Variants in STX16 observed in about 807,000 individuals in gnomAD.
The protein encoded by STX16 is syntaxin 16, also known as syntaxin-16.
Under a neutral mutation model 42.7 loss-of-function variants are expected in STX16, and 28 were observed. That is an observed-to-expected ratio of 0.66 (90% CI 0.49 to 0.90). The LOEUF (loss-of-function observed/expected upper bound fraction) is 0.90. Ranked by LOEUF, STX16 falls within the 40% of genes least tolerant of loss-of-function variation. STX16 has a pLI of 0.00. For synonymous variants in STX16, 156 were observed against 155.2 expected (o/e 1.00, Z -0.04); for missense variants, 361 against 420.9 (o/e 0.86, Z 1.24).
At chr20:58,658,681 A>C (rs2083631844) in intron 1 of STX16, among the ~76,000 whole-genome samples, 2 of 152,122 alleles carry the variant, frequency 1.3e-5, no homozygotes, top group South Asian at 4.1e-4. Flanking sequence ...TAATTATTTC[A>C]GTGATCAATA....
At position 58,652,124 on chromosome 20, in the gene STX16, C is replaced by G. The variant is rs573000558; in HGVS notation, c.118C>G (p.Arg40Gly). 1.2e-6 allele frequency: 2 copies of G among 1,614,074 alleles called. No homozygotes were observed. The highest frequency in any genetic ancestry group is 2.2e-5 in the South Asian group (2 of 91,082). ...SHITSSPLHSRSIAAELDELA... is the reference protein window; with the variant it reads ...SHITSSPLHSGSIAAELDELA... ...CATCACCTCCAGCCCTCTGCATTCA[C>G]GTAGCATTGCTGCGGTGAGTCTCCT... The change falls in exon 1 of 9, where the codon CGT (arginine) becomes GGT (glycine). Residue 40 changes from arginine (R) to glycine (G), a missense_variant. Physicochemically the swap from Arg to Gly is moderately radical, Grantham distance 125. Transcript: ENST00000371141.
At chr20:58,662,688 T>A (rs933478945) in intron 2 of STX16, among the ~76,000 whole-genome samples, 4 of 152,026 alleles carry the variant, frequency 2.6e-5, no homozygotes, top group African/African-American at 9.7e-5. Flanking sequence ...TTTATTTATT[T>A]ATTTATTTTT....
chr20:58,657,647 A>G lies in STX16; in HGVS notation c.133-1976A>G, dbSNP rs898601523. ...CATTATAAAGATTTAGAAGGTGATG[A>G]TGTGTAGTAACGTGTTTTCATTTGG... On this transcript the variant is annotated intron_variant, in intron 1 of 8. Transcript: ENST00000371141. This position sits in a 1 kb window ranked among gnomAD's most constrained non-coding sequence, Gnocchi z 4.2. Among the ~76,000 whole-genome samples the G allele has an allele frequency of 6.6e-6, 1 of 152,232 alleles. No homozygotes were observed. Among genetic ancestry groups the G allele is most frequent in the African/African-American group, 2.4e-5 (1 of 41,460 alleles).
Position 58,671,363 on chromosome 20 carries a change from G to A in STX16, c.792+66G>A, listed in dbSNP as rs1280105664. On this transcript the variant is annotated intron_variant, in intron 7 of 8. Transcript: ENST00000371141. ...ATACTATCTGTACCTTCTTTTTCCT[G>A]TACTCCTTTCAGGGAAAAAAATTGG... 3 of 1,499,480 alleles carry A rather than the reference G, an allele frequency of 2.0e-6. No individual in the cohort carries two copies. In the African/African-American group the frequency reaches 4.2e-5, roughly 21 times the overall value. 92.9% of individuals were successfully genotyped at this position (1,499,480 alleles called of 1,614,324 possible).
chr20:58,669,274 C>A lies in STX16; in HGVS notation c.394-17C>A. ...TCTCTCCCAGGCTTGCCCTGAGCCT[C>A]GGGCTTGTTCTCTTAGCTCTTCCAC... is the stretch of plus-strand genomic sequence containing the variant. On this transcript the variant is annotated splice_polypyrimidine_tract_variant and intron_variant, in intron 4 of 8. Transcript: ENST00000371141. The A allele has an allele frequency of 6.2e-7, 1 of 1,607,928 alleles. No individual in the cohort carries two copies. The highest frequency in any genetic ancestry group is 1.1e-5 in the South Asian group (1 of 90,902).
chr20:58,666,246 T>C (rs1024148805), intron 2 of STX16, among the ~76,000 whole-genome samples: 2 of 152,216 alleles, frequency 1.3e-5, no homozygotes, highest in East Asian at 3.9e-4. Flanking sequence ...AGGGCTTTTA[T>C]AGATTATTTT....
At chr20:58,666,853 G>A (rs758030295) in intron 2 of STX16, among the ~76,000 whole-genome samples, 1 of 152,218 alleles carries the variant, frequency 6.6e-6, no homozygotes, top group Non-Finnish European at 1.5e-5. Context: ...CTGAAGAAAA[G>A]AAATGACAGT....
intron 8 of STX16, among the ~76,000 whole-genome samples, chr20:58,675,069 T>C (rs1055115033): frequency 2.0e-5 from 3 of 152,146 alleles, no homozygotes; most frequent in African/African-American, 7.2e-5. Flanking sequence ...CCATCTTCCC[T>C]CCAGCCACAA....
Position 58,666,582 on chromosome 20 carries a change from C to T in STX16, c.145-908C>T, listed in dbSNP as rs144852743. ...TAGCTGGGATTACAGGCATAAGCCA[C>T]CATGCCCAGTTAATTTTTGTATTTT... is the stretch of plus-strand genomic sequence containing the variant. On this transcript the variant is annotated intron_variant, in intron 2 of 8. Transcript: ENST00000371141. Among the ~76,000 whole-genome samples, 68 of 152,186 alleles carry T rather than the reference C, an allele frequency of 4.5e-4. 1 individual carries two copies. The East Asian group carries it at 0.013, about 29-fold the overall frequency.
intron 7 of STX16, 142 bp downstream of exon 7, chr20:58,671,439 T>TGG: frequency 9.8e-6 from 3 of 306,924 alleles, no homozygotes; most frequent in Admixed American, 5.4e-5. Flanking sequence ...TGTGTGTGGG[T>TGG]GTGTGTGTGT....
At chr20:58,660,263 G>GA (rs1230589740) in intron 2 of STX16, among the ~76,000 whole-genome samples, 3 of 152,158 alleles carry the variant, frequency 2.0e-5, no homozygotes, top group East Asian at 3.8e-4. Flanking sequence ...AAAGGGTTGA[G>GA]AAAAAATGAG....
rs1301659256 is a variant in STX16, at chr20:58,669,240, A to C, written c.394-51A>C. 3 of 1,592,348 alleles carry C rather than the reference A, an allele frequency of 1.9e-6. No individual in the cohort carries two copies. In the South Asian group the frequency reaches 3.3e-5, roughly 18 times the overall value. The stretch of plus-strand genomic sequence containing the variant: ...TGGCTTGTGATGTGGCAGTGTTAGC[A>C]GAGGGGCTTCTCTCCCAGGCTTGCC... On this transcript the variant is annotated intron_variant, in intron 4 of 8. Coordinates refer to ENST00000371141, the MANE Select transcript of STX16 (RefSeq NM_001001433.3).
chr20:58,660,962 G>A (rs1404695070), intron 2 of STX16, among the ~76,000 whole-genome samples: 7 of 151,548 alleles, frequency 4.6e-5, no homozygotes, highest in East Asian at 1.9e-4. Context: ...ACCACTCAAC[G>A]GGTAGCTGAC....
At chr20:58,673,973 T>G (rs1282998337) in intron 8 of STX16, among the ~76,000 whole-genome samples, 1 of 152,284 alleles carries the variant, frequency 6.6e-6, no homozygotes, top group Non-Finnish European at 1.5e-5. Flanking sequence ...CAGTAAATTC[T>G]AAAGAGATTG....
chr20:58,660,415 A>G (rs1202246401), intron 2 of STX16, among the ~76,000 whole-genome samples: 1 of 152,204 alleles, frequency 6.6e-6, no homozygotes, highest in Non-Finnish European at 1.5e-5. Context: ...AGAAGTATGA[A>G]TAGTAAAGTA....
At chr20:58,667,123 C>A (rs2083854025) in intron 2 of STX16, 1 of 306,712 alleles carries the variant, frequency 3.3e-6, no homozygotes. Flanking sequence ...GAGGTTCATG[C>A]CGTTCTATCA....
rs567376193 is a variant in STX16, at chr20:58,676,564, AT to A, written c.*281del. The A allele has an allele frequency of 2.2e-4, 68 of 308,528 alleles. No homozygotes were observed. The highest frequency in any genetic ancestry group is 3.5e-4 in the East Asian group (6 of 17,130). The allele number at this position is 308,528 out of a possible 1,614,324, so 19.1% of individuals were successfully genotyped here. On this transcript the variant is annotated 3_prime_UTR_variant, in exon 9 of 9. Coordinates refer to ENST00000371141, the MANE Select transcript of STX16 (RefSeq NM_001001433.3). ...AGTTCTGGGATCAGTTATAATATAT[AT>A]TTTTTTTAGAAAGAGAAAATGAGCT...
intron 1 of STX16, 21 bp from the exon 2 acceptor site, chr20:58,659,602 G>A: frequency 6.2e-7 from 1 of 1,612,070 alleles, no homozygotes; most frequent in African/African-American, 1.3e-5. Context: ...TGGGACTGAT[G>A]GGGACAACAT....
chr20:58,679,282 A>C lies in STX16; in HGVS notation c.*2991A>C, dbSNP rs754608162. ...ATTTACATTATTTATTTGTTTTGACACAAGTGCTTTCAGTGTTTTATCCTA... is the reference window on the plus strand; with the variant it reads ...ATTTACATTATTTATTTGTTTTGACCCAAGTGCTTTCAGTGTTTTATCCTA... On this transcript the variant is annotated 3_prime_UTR_variant, in exon 9 of 9. Transcript: ENST00000371141. 1 of 152,650 alleles carries C rather than the reference A, an allele frequency of 6.6e-6. No homozygotes were observed. Among genetic ancestry groups the C allele is most frequent in the Non-Finnish European group, 1.5e-5 (1 of 68,044 alleles). The allele number at this position is 152,650 out of a possible 1,614,324, so 9.5% of individuals were successfully genotyped here. A position where few individuals can be genotyped will look rare whatever the true frequency, so the allele number is the denominator to read the frequency against.
Sources: allele counts gnomAD v4.1 joint callset (sites outside exome capture counted in the v4.1 genomes callset), GRCh38; gene constraint gnomAD v4.1.1; non-coding constraint Gnocchi (gnomAD v3.1); transcripts MANE v1.5; gene names NCBI Gene and HGNC (gene_info 2026-07-23, HGNC 2026-07-21).